DPY19L2: variants seen among roughly 807,000 people sequenced by gnomAD.
The protein encoded by DPY19L2 is dpy-19 like 2.
Under a neutral mutation model 97.9 loss-of-function variants are expected in DPY19L2, and 34 were observed. The ratio of observed to expected loss-of-function variants is 0.35; its 90% CI spans 0.26 to 0.46. The LOEUF (loss-of-function observed/expected upper bound fraction) is 0.46. Ranked by LOEUF, DPY19L2 falls within the 20% of genes least tolerant of loss-of-function variation. The pLI, the probability that DPY19L2 is intolerant of heterozygous loss-of-function variation, is 1.00. For synonymous variants in DPY19L2, 230 were observed against 307.9 expected, an observed-to-expected ratio of 0.75 and a Z score of 2.65; for missense variants, 623 against 911.4, an observed-to-expected ratio of 0.68 and a Z score of 4.07.
chr12:63,582,616 A>C (rs1370574621), intron 17 of DPY19L2, 91 bp from the exon 18 acceptor site: 24 of 1,328,184 alleles, frequency 1.8e-5, no homozygotes, highest in Non-Finnish European at 2.3e-5. Context: ...TCATTAAGAC[A>C]AGGATCTTCT....
At chr12:63,657,433 T>C (rs2086886573) in intron 4 of DPY19L2, among the ~76,000 whole-genome samples, 2 of 152,054 alleles carry the variant, frequency 1.3e-5, no homozygotes, top group East Asian at 1.9e-4. Context: ...GGGGGAAGAG[T>C]GACAGGTTTT....
intron 7 of DPY19L2, among the ~76,000 whole-genome samples, chr12:63,625,494 T>C (rs1889378513): frequency 6.6e-6 from 1 of 152,216 alleles, no homozygotes; most frequent in Non-Finnish European, 1.5e-5. Flanking sequence ...TCTCTCTTTT[T>C]CAATGCCATA....
intron 16 of DPY19L2, among the ~76,000 whole-genome samples, chr12:63,592,017 AGGG>A (rs1883112031): frequency 2.2e-4 from 1 of 4,582 alleles, no homozygotes; most frequent in Non-Finnish European, 3.7e-4. Context: ...AGGGGAGGGG[AGGG>A]GAGGGGAGGG....
intron 16 of DPY19L2, among the ~76,000 whole-genome samples, chr12:63,585,588 T>A (rs924559481): frequency 1.3e-5 from 2 of 152,032 alleles, no homozygotes; most frequent in Non-Finnish European, 1.5e-5. Flanking sequence ...CACAACAGAT[T>A]CCTGTAGTGA....
intron 2 of DPY19L2, among the ~76,000 whole-genome samples, chr12:63,664,211 T>C (rs554018295): frequency 6.6e-6 from 1 of 151,934 alleles, no homozygotes; most frequent in Non-Finnish European, 1.5e-5. Context: ...GTAGTGCATG[T>C]CTGTAATCCT....
intron 12 of DPY19L2, among the ~76,000 whole-genome samples, chr12:63,601,261 C>T (rs1244637562): frequency 1.3e-5 from 2 of 152,100 alleles, no homozygotes; most frequent in African/African-American, 4.8e-5. Flanking sequence ...CAAGAAATAA[C>T]AGTTTGAAAT....
At chr12:63,610,216 A>T (rs925686572) in intron 11 of DPY19L2, among the ~76,000 whole-genome samples, 1 of 152,026 alleles carries the variant, frequency 6.6e-6, no homozygotes, top group African/African-American at 2.4e-5. Flanking sequence ...AACTAATGAG[A>T]TTTCTTACCT....
chr12:63,613,980 A>C (rs1214197745), intron 11 of DPY19L2, among the ~76,000 whole-genome samples: 1 of 151,888 alleles, frequency 6.6e-6, no homozygotes, highest in Non-Finnish European at 1.5e-5. Flanking sequence ...ACCTGAGGTC[A>C]GGAGTTTGAG....
At chr12:63,610,393 C>T (rs1253370449) in intron 11 of DPY19L2, among the ~76,000 whole-genome samples, 1 of 151,706 alleles carries the variant, frequency 6.6e-6, no homozygotes, top group Non-Finnish European at 1.5e-5. Flanking sequence ...GAAACTTCTG[C>T]TTCTGTCCAA....
At chr12:63,582,569 A>G (rs1455209131) in intron 17 of DPY19L2, 44 bp from the exon 18 acceptor site, 1 of 1,566,772 alleles carries the variant, frequency 6.4e-7, no homozygotes, top group South Asian at 1.2e-5. Context: ...TACTTTTCAT[A>G]TTTTTAAATT....
intron 8 of DPY19L2, among the ~76,000 whole-genome samples, chr12:63,621,552 T>C (rs1888693798): frequency 6.6e-6 from 1 of 152,214 alleles, no homozygotes; most frequent in South Asian, 2.1e-4. Flanking sequence ...AATATTAACA[T>C]TGTAATTTAC....
At chr12:63,645,631 G>C (rs956706835) in intron 5 of DPY19L2, among the ~76,000 whole-genome samples, 2 of 152,118 alleles carry the variant, frequency 1.3e-5, no homozygotes, top group Admixed American at 1.3e-4. Context: ...AAGGAGCTCA[G>C]TTACTTAAGC....
chr12:63,593,994 G>C, intron 16 of DPY19L2, 93 bp downstream of exon 16: 5 of 831,762 alleles, frequency 6.0e-6, no homozygotes, highest in Non-Finnish European at 7.4e-6. Flanking sequence ...CAATGCTAAA[G>C]TTTAATGCAT....
chr12:63,597,519 T>C (rs1483530517), intron 14 of DPY19L2, among the ~76,000 whole-genome samples: 4 of 152,120 alleles, frequency 2.6e-5, no homozygotes, highest in Non-Finnish European at 5.9e-5. Flanking sequence ...GCCTAGATTA[T>C]CAAAAGTAAT....
Position 63,579,239 on chromosome 12 carries a change from A to G in DPY19L2, c.1900+1423T>C, listed in dbSNP as rs139153191. On this transcript the variant is annotated intron_variant, in intron 19 of 21. Transcript: ENST00000324472. ...TCCCCTGACCTGACAGAGCCCCATT[A>G]TACATGGCTTGATGAGTGGACCACA... 6.6e-3 allele frequency among the ~76,000 whole-genome samples: 1,012 copies of G among 152,294 alleles called. 14 individuals are homozygous for G. The highest frequency in any genetic ancestry group is 0.022 in the African/African-American group (932 of 41,564).
chr12:63,634,716 C>A (rs955320254), intron 6 of DPY19L2, among the ~76,000 whole-genome samples: 1 of 152,118 alleles, frequency 6.6e-6, no homozygotes, highest in African/African-American at 2.4e-5. Flanking sequence ...AACTGCAAGG[C>A]GGCAGTGAGG....
intron 19 of DPY19L2, among the ~76,000 whole-genome samples, chr12:63,571,192 A>G (rs1878779163): frequency 6.6e-6 from 1 of 152,130 alleles, no homozygotes; most frequent in Non-Finnish European, 1.5e-5. Flanking sequence ...TCAGAATCTA[A>G]TGCCTGATGG....
At chr12:63,630,069 T>C (rs1188485270) in intron 6 of DPY19L2, among the ~76,000 whole-genome samples, 1 of 152,014 alleles carries the variant, frequency 6.6e-6, no homozygotes, top group Non-Finnish European at 1.5e-5. Flanking sequence ...GAAGGAAGCA[T>C]GAAATATGGA....
At chr12:63,601,628 A>G (rs1280324937) in intron 12 of DPY19L2, among the ~76,000 whole-genome samples, 1 of 152,168 alleles carries the variant, frequency 6.6e-6, no homozygotes, top group Non-Finnish European at 1.5e-5. Flanking sequence ...AGGGGTCAAA[A>G]TTGGAAATAA....
Sources: allele counts gnomAD v4.1 joint callset (sites outside exome capture counted in the v4.1 genomes callset), GRCh38; gene constraint gnomAD v4.1.1; transcripts MANE v1.5; gene names NCBI Gene and HGNC (gene_info 2026-07-23, HGNC 2026-07-21).